The following SORCS2 variants were observed in gnomAD, a reference collection of about 807,000 sequenced individuals.
SORCS2 encodes the protein sortilin related VPS10 domain containing receptor 2.
SORCS2 carries 100 observed loss-of-function variants against 141.6 expected under a neutral mutation model. The observed-to-expected ratio is 0.71, with a 90% CI of 0.60 to 0.83. The LOEUF (loss-of-function observed/expected upper bound fraction) is 0.83. Ranked by LOEUF, SORCS2 falls within the 40% of genes least tolerant of loss-of-function variation. The probability of loss-of-function intolerance (pLI) is 0.00; values close to 1 mark genes in which losing one functional copy is unlikely to be tolerated. For missense variants in SORCS2, 1,646 were observed against 1,560.2 expected (o/e 1.05, Z -0.93); for synonymous variants, 789 against 676.9 (o/e 1.17, Z -2.57).
intron 3 of SORCS2, among the ~76,000 whole-genome samples, chr4:7,536,097 G>A (rs184703683): frequency 1.6e-4 from 24 of 152,310 alleles, no homozygotes; most frequent in Non-Finnish European, 2.4e-4. Flanking sequence ...GGCTAGGGAC[G>A]CAGGTCAGGG....
At chr4:7,676,252 C>T (rs1268944460) in intron 9 of SORCS2, 23 bp downstream of exon 9, 4 of 1,545,840 alleles carry the variant, frequency 2.6e-6, no homozygotes, top group Non-Finnish European at 3.5e-6. Context: ...TGGATGTGGG[C>T]CAGGTCTGCC....
intron 1 of SORCS2, among the ~76,000 whole-genome samples, chr4:7,257,432 G>T: frequency 6.6e-6 from 1 of 152,264 alleles, no homozygotes; most frequent in Non-Finnish European, 1.5e-5. Flanking sequence ...TATGGACCCT[G>T]AGAGGCGGCA....
At chr4:7,459,436 G>C (rs1729147613) in intron 2 of SORCS2, among the ~76,000 whole-genome samples, 2 of 152,178 alleles carry the variant, frequency 1.3e-5, no homozygotes, top group African/African-American at 4.8e-5. Context: ...GTCTGGCTCA[G>C]TTTCCTTATC....
At chr4:7,256,124 A>T (rs1481829178) in intron 1 of SORCS2, among the ~76,000 whole-genome samples, 1 of 152,112 alleles carries the variant, frequency 6.6e-6, no homozygotes, top group East Asian at 1.9e-4. Flanking sequence ...GGACCTCTTC[A>T]GGTGCCAGGA....
chr4:7,537,665 G>T (rs756229577), intron 3 of SORCS2, among the ~76,000 whole-genome samples: 1 of 152,268 alleles, frequency 6.6e-6, no homozygotes, highest in Non-Finnish European at 1.5e-5. Flanking sequence ...TGAGGGTCTG[G>T]TGGGGCCCTG....
intron 7 of SORCS2, among the ~76,000 whole-genome samples, chr4:7,666,694 G>A (rs1722523267): frequency 6.6e-6 from 1 of 152,186 alleles, no homozygotes. Context: ...CACAGTTCAT[G>A]GGGTTGATTG....
chr4:7,410,949 C>CTT (rs5855962), intron 2 of SORCS2, among the ~76,000 whole-genome samples: 5,940 of 73,770 alleles, frequency 0.081, 565 homozygotes, highest in Non-Finnish European at 0.083. Context: ...TCTCTCCATC[C>CTT]TTTTTTTTTT....
intron 1 of SORCS2, among the ~76,000 whole-genome samples, chr4:7,255,031 ATGAGTGTGTGAGAG>A (rs1713756531): frequency 6.6e-6 from 1 of 151,990 alleles, no homozygotes; most frequent in Non-Finnish European, 1.5e-5. Flanking sequence ...GTGTGTGAGC[ATGAGTGTGTGAGAG>A]TGAGTGTGTG....
Position 7,286,245 on chromosome 4 carries a change from C to T in SORCS2, c.480+93119C>T, listed in dbSNP as rs1363343089. 3.3e-5 allele frequency among the ~76,000 whole-genome samples: 5 copies of T among 152,202 alleles called. No homozygotes were observed. The highest frequency in any genetic ancestry group is 6.5e-5 in the Admixed American group (1 of 15,288). On this transcript the variant is annotated intron_variant, in intron 1 of 26. Coordinates refer to ENST00000507866, the MANE Select transcript of SORCS2 (RefSeq NM_020777.3). This position sits in a 1 kb window ranked among gnomAD's most constrained non-coding sequence, Gnocchi z 4.1. ...CTCGCGTGGGAAGTGGGCACAGCCT[C>T]ATGGTGTCTCCGTAGAAAGAAGATA...
chr4:7,510,920 T>G (rs1732602184), intron 2 of SORCS2, among the ~76,000 whole-genome samples: 1 of 152,108 alleles, frequency 6.6e-6, no homozygotes, highest in African/African-American at 2.4e-5. Flanking sequence ...GACTGTCCCG[T>G]AGTGGGCAGC....
intron 1 of SORCS2, among the ~76,000 whole-genome samples, chr4:7,318,000 C>T (rs751882274): frequency 6.6e-6 from 1 of 152,206 alleles, no homozygotes; most frequent in African/African-American, 2.4e-5. Flanking sequence ...ACCACGAGCA[C>T]GTGTTCATAC....
intron 3 of SORCS2, among the ~76,000 whole-genome samples, chr4:7,589,593 G>A (rs945373716): frequency 1.1e-4 from 17 of 152,112 alleles, no homozygotes; most frequent in Non-Finnish European, 2.4e-4. Context: ...AGTAAAGAAG[G>A]GGTTTCACCA....
chr4:7,316,581 T>C (rs6832897), intron 1 of SORCS2, among the ~76,000 whole-genome samples: 90,984 of 152,130 alleles, frequency 0.6, 27,302 homozygotes, highest in South Asian at 0.72. Flanking sequence ...GACCTTCCCG[T>C]GCCTTTACAC....
chr4:7,656,622 C>G (rs1012357362), intron 5 of SORCS2, among the ~76,000 whole-genome samples: 1 of 152,242 alleles, frequency 6.6e-6, no homozygotes, highest in Admixed American at 6.5e-5. Flanking sequence ...GGCCAGGGCC[C>G]TTGCCCACTC....
At chr4:7,353,687 A>T (rs2109010629) in intron 1 of SORCS2, among the ~76,000 whole-genome samples, 1 of 152,270 alleles carries the variant, frequency 6.6e-6, no homozygotes, top group Non-Finnish European at 1.5e-5. Flanking sequence ...TTGGGAAGGC[A>T]GCCCTGACTG....
intron 4 of SORCS2, among the ~76,000 whole-genome samples, chr4:7,653,196 C>T (rs1423143094): frequency 6.6e-6 from 1 of 152,234 alleles, no homozygotes; most frequent in African/African-American, 2.4e-5. Flanking sequence ...TCAGCCCAAC[C>T]CATGCTCTCT....
intron 5 of SORCS2, among the ~76,000 whole-genome samples, chr4:7,658,862 G>C (rs147662620): frequency 3.3e-5 from 5 of 152,332 alleles, no homozygotes; most frequent in Non-Finnish European, 7.3e-5. Flanking sequence ...AGGCCATGGG[G>C]GACTGGGCAC....
chr4:7,675,905 C>A, intron 8 of SORCS2, 145 bp from the exon 9 acceptor site: 1 of 831,024 alleles, frequency 1.2e-6, no homozygotes, highest in Non-Finnish European at 1.9e-6. Context: ...CCAGAGCAGC[C>A]GAGCCAGGAG....
intron 1 of SORCS2, among the ~76,000 whole-genome samples, chr4:7,250,380 G>A (rs1429204273): frequency 6.6e-6 from 1 of 152,146 alleles, no homozygotes; most frequent in African/African-American, 2.4e-5. Flanking sequence ...AAACCCCCAC[G>A]GATCCCCTTT....
Sources: allele counts gnomAD v4.1 joint callset (sites outside exome capture counted in the v4.1 genomes callset), GRCh38; gene constraint gnomAD v4.1.1; non-coding constraint Gnocchi (gnomAD v3.1); transcripts MANE v1.5; gene names NCBI Gene and HGNC (gene_info 2026-07-23, HGNC 2026-07-21).